NDUFS1: variants seen among roughly 807,000 people sequenced by gnomAD.
NDUFS1 encodes NADH:ubiquinone oxidoreductase core subunit S1.
A neutral mutation model predicts 84.4 loss-of-function variants in NDUFS1; 61 were observed. The ratio of observed to expected loss-of-function variants is 0.72; its 90% CI spans 0.59 to 0.89. The LOEUF (loss-of-function observed/expected upper bound fraction) is 0.89. Among genes scored for constraint, NDUFS1 ranks in the 40% least tolerant of loss-of-function variants. The probability of loss-of-function intolerance (pLI) is 0.00; values close to 1 mark genes in which losing one functional copy is unlikely to be tolerated. For missense variants in NDUFS1, 891 were observed against 890.0 expected, an observed-to-expected ratio of 1.00 and a Z score of -0.01; for synonymous variants, 275 against 290.0, an observed-to-expected ratio of 0.95 and a Z score of 0.53.
At chr2:206,131,171 G>A (rs892162524) in intron 14 of NDUFS1, among the ~76,000 whole-genome samples, 11 of 152,086 alleles carry the variant, frequency 7.2e-5, no homozygotes, top group Admixed American at 4.6e-4. Flanking sequence ...AGCATGCTTC[G>A]AAAGGCTCAG....
chr2:206,147,210 G>T, intron 7 of NDUFS1, 122 bp from the exon 8 acceptor site: 1 of 992,626 alleles, frequency 1.0e-6, no homozygotes, highest in South Asian at 1.3e-5. Context: ...TTTTAAAGGT[G>T]AGCACAGTCC....
chr2:206,128,919 G>A (rs180723566), intron 15 of NDUFS1, among the ~76,000 whole-genome samples: 59 of 152,166 alleles, frequency 3.9e-4, no homozygotes, highest in African/African-American at 1.3e-3. Flanking sequence ...GAACTGCTCA[G>A]ATGTACCAGT....
intron 16 of NDUFS1, chr2:206,127,546 C>A: frequency 5.0e-6 from 2 of 396,496 alleles, no homozygotes; most frequent in Non-Finnish European, 9.1e-6. Context: ...ATAAAAGCAC[C>A]AATTTCAAGT....
Position 206,119,788 on chromosome 2 carries a change from G to A in NDUFS1, c.*4397C>T, listed in dbSNP as rs1046444905. ...TTTGAGGGGGGAGGCTTTCCATATG[G>A]AATTCAAGATATTTTTGGATATATA... On this transcript the variant is annotated 3_prime_UTR_variant, in exon 19 of 19. Transcript: ENST00000233190. The A allele has an allele frequency of 2.0e-5, 3 of 152,042 alleles. No individual in the cohort carries two copies. Among genetic ancestry groups the A allele is most frequent in the African/African-American group, 7.2e-5 (3 of 41,410 alleles). 9.4% of individuals were successfully genotyped at this position (152,042 alleles called of 1,614,324 possible). A position where few individuals can be genotyped will look rare whatever the true frequency, so the allele number is the denominator to read the frequency against.
In NDUFS1 at chr2:206,153,654, C is replaced by G. The variant is rs780734430; in HGVS notation, c.25G>C (p.Ala9Pro). 2 of 1,547,932 alleles carry G rather than the reference C, an allele frequency of 1.3e-6. No individual in the cohort carries two copies. The highest frequency in any genetic ancestry group is 3.5e-5 in the Admixed American group (2 of 57,960). Residue 9 changes from alanine (A) to proline (P), a missense_variant, in exon 2 of 19, where the codon GCC becomes CCC. Physicochemically the swap from Ala to Pro is conservative, Grantham distance 27. Transcript: ENST00000233190. Reference sequence around the variant, plus strand: ...GGAGACTTAGAAAGGCCTACTAAGGCCTTTCTTACAGGTATCCTTAACATA... The same window carrying G: ...GGAGACTTAGAAAGGCCTACTAAGGGCTTTCTTACAGGTATCCTTAACATA... MLRIPVRK[A>P]LVGLSKSPKG... is the part of the protein sequence containing the mutation.
At chr2:206,132,288 T>G in intron 14 of NDUFS1, among the ~76,000 whole-genome samples, 1 of 151,992 alleles carries the variant, frequency 6.6e-6, no homozygotes, top group East Asian at 1.9e-4. Context: ...ATTATTGATA[T>G]GGTTTGAAAT....
At position 206,115,942 on chromosome 2, in the gene NDUFS1, C is replaced by T. The variant is rs535860106; in HGVS notation, c.*8243G>A. ...GACACATATTATGTTTATCTACAAT[C>T]ATTAGAAAGTTAAAAGGCATCTTCT... is the stretch of plus-strand genomic sequence containing the variant. On this transcript the variant is annotated 3_prime_UTR_variant, in exon 19 of 19. Coordinates refer to ENST00000233190, the MANE Select transcript of NDUFS1 (RefSeq NM_005006.7). The T allele has an allele frequency of 3.0e-6, 2 of 662,676 alleles. No individual in the cohort carries two copies. The highest frequency in any genetic ancestry group is 2.4e-5 in the Admixed American group (1 of 42,326). 41.0% of individuals were successfully genotyped at this position (662,676 alleles called of 1,614,324 possible).
chr2:206,129,892 G>C (rs1691438667), intron 15 of NDUFS1, among the ~76,000 whole-genome samples, 196 bp downstream of exon 15: 1 of 151,690 alleles, frequency 6.6e-6, no homozygotes, highest in African/African-American at 2.4e-5. Context: ...GCACCCGGCA[G>C]GTAATAATTC....
At chr2:206,134,559 G>C (rs1237650029) in intron 13 of NDUFS1, among the ~76,000 whole-genome samples, 1 of 151,744 alleles carries the variant, frequency 6.6e-6, no homozygotes, top group Admixed American at 6.6e-5. Context: ...TCCAGCATGG[G>C]TGACAGAGCC....
chr2:206,158,955 A>G, intron 1 of NDUFS1: 1 of 855,492 alleles, frequency 1.2e-6, no homozygotes. Context: ...TCAGGCGTGT[A>G]AAAATCTGGG....
intron 18 of NDUFS1, among the ~76,000 whole-genome samples, chr2:206,125,334 C>T (rs1042591262): frequency 1.3e-5 from 2 of 151,922 alleles, no homozygotes; most frequent in East Asian, 1.9e-4. Context: ...TGGTGGTATG[C>T]GCCTATAGTC....
At chr2:206,148,683 C>A (rs1692253454) in intron 5 of NDUFS1, among the ~76,000 whole-genome samples, 1 of 152,040 alleles carries the variant, frequency 6.6e-6, no homozygotes. Context: ...GCTGAATGGT[C>A]CTCAGAAAAT....
intron 1 of NDUFS1, chr2:206,159,130 T>C: frequency 6.5e-7 from 1 of 1,535,692 alleles, no homozygotes; most frequent in Non-Finnish European, 8.7e-7. Context: ...CCCCTGATCC[T>C]CATCTTCTTT....
At chr2:206,131,502 T>TA (rs1691509367) in intron 14 of NDUFS1, among the ~76,000 whole-genome samples, 1 of 152,056 alleles carries the variant, frequency 6.6e-6, no homozygotes, top group South Asian at 2.1e-4. Context: ...CCTATGTAAC[T>TA]AAAAAATATT....
intron 12 of NDUFS1, among the ~76,000 whole-genome samples, chr2:206,139,725 T>C (rs960606023): frequency 3.9e-5 from 6 of 151,956 alleles, no homozygotes; most frequent in African/African-American, 1.4e-4. Context: ...GCTTTTTTTT[T>C]TCCCTGTTAT....
intron 2 of NDUFS1, among the ~76,000 whole-genome samples, chr2:206,152,880 T>C (rs1420467406): frequency 6.6e-6 from 1 of 151,978 alleles, no homozygotes; most frequent in Admixed American, 6.6e-5. Flanking sequence ...ATTTTTGTAT[T>C]TTTAGTAGAG....
chr2:206,142,236 A>AT (rs1325893952), intron 11 of NDUFS1, among the ~76,000 whole-genome samples, 167 bp from the exon 12 acceptor site: 1 of 152,122 alleles, frequency 6.6e-6, no homozygotes, highest in Admixed American at 6.5e-5. Context: ...TTTCTCAGAT[A>AT]GAGTCTCACT....
intron 12 of NDUFS1, among the ~76,000 whole-genome samples, chr2:206,139,314 T>C (rs1691845500): frequency 6.6e-6 from 1 of 151,490 alleles, no homozygotes; most frequent in Non-Finnish European, 1.5e-5. Context: ...CCCTCCGGAG[T>C]AGCTGGGATT....
intron 1 of NDUFS1, among the ~76,000 whole-genome samples, chr2:206,156,492 T>C (rs1269016720): frequency 6.6e-6 from 1 of 150,714 alleles, no homozygotes; most frequent in Non-Finnish European, 1.5e-5. Context: ...GGAGCATGGC[T>C]TGAGCCCAGG....
Sources: gnomAD v4.1 joint callset for allele counts (sites outside exome capture counted in the v4.1 genomes callset) on GRCh38, gnomAD v4.1.1 for gene constraint, MANE v1.5 for transcripts, NCBI Gene and HGNC (gene_info 2026-07-23, HGNC 2026-07-21) for gene names.